The following NPL variants were observed in gnomAD, a reference collection of about 807,000 sequenced individuals.
NPL encodes the protein N-acetylneuraminate pyruvate lyase, also known as N-acetylneuraminate lyase.
NPL carries 32 observed loss-of-function variants against 41.1 expected under a neutral mutation model. The observed-to-expected ratio is 0.78, with a 90% confidence interval of 0.59 to 1.05. The LOEUF (loss-of-function observed/expected upper bound fraction) is 1.05, where lower values mean the gene tolerates loss of function less well. Ranked by LOEUF, NPL falls within the 50% of genes least tolerant of loss-of-function variation. The pLI is 0.00. For missense variants in NPL, 321 were observed against 378.4 expected, an observed-to-expected ratio of 0.85 and a Z score of 1.26; for synonymous variants, 128 against 134.9, an observed-to-expected ratio of 0.95 and a Z score of 0.35.
intron 3 of NPL, among the ~76,000 whole-genome samples, chr1:182,800,607 A>C (rs1666815522): frequency 6.6e-6 from 1 of 151,836 alleles, no homozygotes. Flanking sequence ...GCAAACTTGC[A>C]CCTGCAGAGT....
At chr1:182,794,311 G>A in intron 2 of NPL, 45 bp from the exon 3 acceptor site, 2 of 1,517,602 alleles carry the variant, frequency 1.3e-6, no homozygotes, top group South Asian at 2.2e-5. Flanking sequence ...TTTTATCATT[G>A]ACATTCCTTG....
chr1:182,797,036 A>G (rs937980358), intron 3 of NPL, among the ~76,000 whole-genome samples: 4 of 105,606 alleles, frequency 3.8e-5, no homozygotes, highest in Non-Finnish European at 7.5e-5. Context: ...ATATGTCTCA[A>G]AAAAAAAAAA....
At chr1:182,805,546 T>C (rs1413736622) in intron 4 of NPL, among the ~76,000 whole-genome samples, 3 of 152,256 alleles carry the variant, frequency 2.0e-5, no homozygotes, top group African/African-American at 7.2e-5. Flanking sequence ...TTTCAGACTT[T>C]ATCTTTTTAT....
chr1:182,814,722 A>C, intron 6 of NPL, 61 bp from the exon 7 acceptor site: 1 of 1,333,770 alleles, frequency 7.5e-7, no homozygotes, highest in Non-Finnish European at 1.1e-6. Context: ...CTTAGTATCT[A>C]AGCTATAGGT....
intron 4 of NPL, 56 bp from the exon 5 acceptor site, chr1:182,806,089 G>T: frequency 1.2e-6 from 2 of 1,609,458 alleles, no homozygotes; most frequent in Non-Finnish European, 1.7e-6. Context: ...TCAGACTCGG[G>T]GTTGGAGAAG....
At chr1:182,817,635 C>T (rs1667369929) in intron 8 of NPL, among the ~76,000 whole-genome samples, 1 of 152,220 alleles carries the variant, frequency 6.6e-6, no homozygotes, top group Non-Finnish European at 1.5e-5. Context: ...GTACTTCCCA[C>T]CAGCTGGCTA....
Position 182,816,809 on chromosome 1 carries a change from A to G in NPL, c.457+3A>G. 5 of 1,602,978 alleles carry G rather than the reference A, an allele frequency of 3.1e-6. No individual in the cohort carries two copies. Among genetic ancestry groups the G allele is most frequent in the Non-Finnish European group, 2.6e-6 (3 of 1,170,538 alleles). On this transcript the variant is annotated splice_donor_region_variant and intron_variant, in intron 8 of 12. Transcript: ENST00000367553. ...TCCTGCCTTGACAGGGGTAAAGAGT[A>G]AGTACTGCTTCTGTTGATCTTTCTT...
chr1:182,809,811 A>G (rs1667126130), intron 5 of NPL: 2 of 152,178 alleles, frequency 1.3e-5, no homozygotes, highest in African/African-American at 4.8e-5. Context: ...TTGGGAGATT[A>G]CTAGGAAATG....
intron 5 of NPL, chr1:182,809,381 A>C (rs1235084675): frequency 3.5e-6 from 1 of 288,826 alleles, no homozygotes; most frequent in African/African-American, 2.3e-5. Context: ...TCTACTAAAA[A>C]TACAAAAAAA....
intron 1 of NPL, among the ~76,000 whole-genome samples, chr1:182,790,369 G>C (rs1376743551): frequency 6.6e-6 from 1 of 152,156 alleles, no homozygotes; most frequent in African/African-American, 2.4e-5. Context: ...GATTTCAAGA[G>C]TAATACCCCC....
intron 10 of NPL, among the ~76,000 whole-genome samples, chr1:182,819,480 A>G (rs12073416): frequency 0.081 from 12,231 of 150,808 alleles, 1,319 homozygotes; most frequent in African/African-American, 0.25. Flanking sequence ...GCGTGGTGGC[A>G]GGCACCTGTA....
chr1:182,818,899 C>T, intron 10 of NPL, 40 bp downstream of exon 10: 3 of 1,558,456 alleles, frequency 1.9e-6, no homozygotes, highest in Non-Finnish European at 2.7e-6. Context: ...ATAAAGTCCC[C>T]CATAAAGGCA....
chr1:182,798,502 A>G (rs972910924), intron 3 of NPL, among the ~76,000 whole-genome samples: 3 of 152,196 alleles, frequency 2.0e-5, no homozygotes, highest in African/African-American at 7.2e-5. Context: ...TGCTGGGATT[A>G]CAGGCATGAG....
chr1:182,790,331 G>A (rs1194969078), intron 1 of NPL, among the ~76,000 whole-genome samples: 1 of 152,148 alleles, frequency 6.6e-6, no homozygotes, highest in Admixed American at 6.5e-5. Flanking sequence ...TTTGCACTGA[G>A]TGTTCTTATC....
intron 5 of NPL, among the ~76,000 whole-genome samples, chr1:182,807,720 CAAAAAAAAAAA>C (rs753955697): frequency 1.8e-5 from 1 of 55,432 alleles, no homozygotes; most frequent in Non-Finnish European, 3.9e-5. Flanking sequence ...ACTAAAAATA[CAAAAAAAAAAA>C]AAAAAAAAAA....
intron 5 of NPL, among the ~76,000 whole-genome samples, chr1:182,807,336 A>T: frequency 6.6e-6 from 1 of 152,176 alleles, no homozygotes; most frequent in Non-Finnish European, 1.5e-5. Context: ...AGGTGGAGGT[A>T]AAAGATTGGA....
intron 6 of NPL, among the ~76,000 whole-genome samples, chr1:182,814,523 C>A (rs1175660664): frequency 6.6e-6 from 1 of 152,196 alleles, no homozygotes. Context: ...GAACCACTTA[C>A]GTCTCCTTAG....
chr1:182,822,147 A>G lies in NPL; in HGVS notation c.686A>G (p.Gln229Arg). Reference protein sequence around the residue: ...TYNYLGKKTNQMLEAFEQKDF... With the variant: ...TYNYLGKKTNRMLEAFEQKDF... ...AACTACCTGGGAAAAAAGACAAACC[A>G]GATGTTGGAGGCTTTTGAACAAAAG... The change falls in exon 11 of 13, where the codon CAG (glutamine) becomes CGG (arginine). Residue 229 changes from glutamine to arginine, a missense_variant. Coordinates refer to ENST00000367553, the MANE Select transcript of NPL (RefSeq NM_030769.3). 1.2e-6 allele frequency: 2 copies of G among 1,613,796 alleles called. No homozygotes were observed. Among genetic ancestry groups the G allele is most frequent in the Non-Finnish European group, 1.7e-6 (2 of 1,179,646 alleles).
At chr1:182,809,464 C>T (rs1667115897) in intron 5 of NPL, among the ~76,000 whole-genome samples, 2 of 151,510 alleles carry the variant, frequency 1.3e-5, no homozygotes, top group African/African-American at 2.4e-5. Context: ...CACTTGTACC[C>T]TGGAGGTGGA....
Sources: allele counts gnomAD v4.1 joint callset (sites outside exome capture counted in the v4.1 genomes callset), GRCh38; gene constraint gnomAD v4.1.1; transcripts MANE v1.5; gene names NCBI Gene and HGNC (gene_info 2026-07-23, HGNC 2026-07-21).